The following GGCX variants were observed in gnomAD, a reference collection of about 807,000 sequenced individuals.
GGCX encodes the protein gamma-glutamyl carboxylase, also known as vitamin K-dependent gamma-carboxylase.
Under a neutral mutation model 88.5 loss-of-function variants are expected in GGCX, and 63 were observed. The observed-to-expected ratio is 0.71, with a 90% CI of 0.58 to 0.88. The LOEUF (loss-of-function observed/expected upper bound fraction) is 0.88, where lower values mean the gene tolerates loss of function less well. Ranked by LOEUF, GGCX falls within the 40% of genes least tolerant of loss-of-function variation. The pLI, the probability that GGCX is intolerant of heterozygous loss-of-function variation, is 0.00. For synonymous variants in GGCX, 368 were observed against 365.8 expected (o/e 1.01, Z -0.07); for missense variants, 805 against 932.9 (o/e 0.86, Z 1.79).
chr2:85,559,736 A>G (rs1692352528), intron 2 of GGCX, among the ~76,000 whole-genome samples: 1 of 150,138 alleles, frequency 6.7e-6, no homozygotes, highest in South Asian at 2.1e-4. Flanking sequence ...AGAAAGAAAG[A>G]AAGAAAGTGC....
At position 85,553,009 on chromosome 2, in the gene GGCX, C is replaced by G. The variant is rs139574592; in HGVS notation, c.1217G>C (p.Arg406Pro). ...GYSWDMMVHS[R>P]SHQHVKITYR... is the part of the protein sequence containing the mutation. ...GGTGATCTTCACGTGCTGGTGGGAGCGGGAGTGCACCATCATGTCCCAGGA... is the reference window on the plus strand; with the variant it reads ...GGTGATCTTCACGTGCTGGTGGGAGGGGGAGTGCACCATCATGTCCCAGGA... The change falls in exon 9 of 15, where the codon CGC (arginine) becomes CCC (proline). Residue 406 changes from arginine (R) to proline (P), a missense_variant. Arg to Pro is a moderately radical substitution (Grantham distance 103). Around this residue, in one of 3 missense-constraint regions of GGCX, gnomAD observed 680 missense variants for 763.7 expected, o/e 0.89. Transcript: ENST00000233838. 3 of 1,613,954 alleles carry G rather than the reference C, an allele frequency of 1.9e-6. No individual in the cohort carries two copies. In the African/African-American group the frequency reaches 4.0e-5, roughly 22 times the overall value.
chr2:85,552,584 T>C lies in GGCX; in HGVS notation c.1288-17A>G, dbSNP rs1692009737. On this transcript the variant is annotated splice_polypyrimidine_tract_variant and intron_variant, in intron 9 of 14. Transcript: ENST00000233838. Reference sequence around the variant, plus strand: ...TGTAAATACCTGCCCCAAACCCCCATATTAGTCCCACCTCATCATTATCAA... The same window carrying C: ...TGTAAATACCTGCCCCAAACCCCCACATTAGTCCCACCTCATCATTATCAA... 5.0e-6 allele frequency: 8 copies of C among 1,610,932 alleles called. No homozygotes were observed. The highest frequency in any genetic ancestry group is 1.3e-5 in the African/African-American group (1 of 74,780).
rs760028700 is a variant in GGCX at position 85,550,587 on chromosome 2, GA to G, written c.2051del (p.Phe684SerfsTer14). ...GAAAGACATAGAGCTTTCGCAACAA[GA>G]AGCGGAAGAATCGCTCATGGAAAGG... ...NTPFHERFFR[F>X]LLRKLYVFRR... On this transcript the variant is annotated frameshift_variant, in exon 14 of 15. Coordinates refer to ENST00000233838, the MANE Select transcript of GGCX (RefSeq NM_000821.7). LOFTEE classifies it high-confidence loss of function. 6 of 1,613,898 alleles carry G rather than the reference GA, an allele frequency of 3.7e-6. No homozygotes were observed. Among genetic ancestry groups the G allele is most frequent in the Non-Finnish European group, 5.1e-6 (6 of 1,179,854 alleles).
At chr2:85,554,826 A>T (rs1016016467) in intron 6 of GGCX, 3 of 195,188 alleles carry the variant, frequency 1.5e-5, no homozygotes, top group Admixed American at 1.1e-4. Context: ...CCTATGTAAT[A>T]AGCAAGGGCA....
Position 85,558,608 on chromosome 2 carries a change from G to C in GGCX, c.374-3C>G. The C allele has an allele frequency of 6.2e-7, 1 of 1,610,556 alleles. No homozygotes were observed. The highest frequency in any genetic ancestry group is 8.5e-7 in the Non-Finnish European group (1 of 1,176,768). ...GCCCAGCATCATGCCCAGTGCCCCT[G>C]GGATTTGTAGGGAGAGGATTAAGAG... On this transcript the variant is annotated splice_polypyrimidine_tract_variant and splice_region_variant and intron_variant, in intron 3 of 14. Coordinates refer to ENST00000233838, the MANE Select transcript of GGCX (RefSeq NM_000821.7).
At chr2:85,561,210 C>T (rs1212287492) in intron 1 of GGCX, among the ~76,000 whole-genome samples, 176 bp downstream of exon 1, 2 of 152,200 alleles carry the variant, frequency 1.3e-5, no homozygotes, top group Non-Finnish European at 2.9e-5. Flanking sequence ...GCAGTGTTCC[C>T]GAATGTCATC....
At position 85,549,907 on chromosome 2, in the gene GGCX, A is replaced by C; in HGVS notation, c.*27T>G. The C allele has an allele frequency of 6.7e-7, 1 of 1,489,372 alleles. No individual in the cohort carries two copies. Among genetic ancestry groups the C allele is most frequent in the African/African-American group, 1.4e-5 (1 of 71,948 alleles). The allele number at this position is 1,489,372 out of a possible 1,614,324, so 92.3% of individuals were successfully genotyped here. On this transcript the variant is annotated 3_prime_UTR_variant, in exon 15 of 15. Coordinates refer to ENST00000233838, the MANE Select transcript of GGCX (RefSeq NM_000821.7). ...AATGGGTCTGTGACTGGCTGCTTCT[A>C]CATCTGCACCCAACATCTGGCCCCC...
chr2:85,551,631 A>C, intron 11 of GGCX, 21 bp from the exon 12 acceptor site: 1 of 1,612,772 alleles, frequency 6.2e-7, no homozygotes, highest in Middle Eastern at 1.7e-4. Context: ...AACAGAGTTC[A>C]TCATCCCACC....
In GGCX at chr2:85,561,344, C is replaced by G. The variant is rs1040294436; in HGVS notation, c.43+42G>C. 7.9e-6 allele frequency: 11 copies of G among 1,400,704 alleles called. No individual in the cohort carries two copies. In the Admixed American group the frequency reaches 1.4e-4, roughly 18 times the overall value. 86.8% of individuals were successfully genotyped at this position (1,400,704 alleles called of 1,614,324 possible). A position where few individuals can be genotyped will look rare whatever the true frequency, so the allele number is the denominator to read the frequency against. ...CGCCCCCGCCCCTCTGAGACCAGCGCTCCTAGGAACTCTCCGCCGGAGGGC... is the reference window on the plus strand; with the variant it reads ...CGCCCCCGCCCCTCTGAGACCAGCGGTCCTAGGAACTCTCCGCCGGAGGGC... On this transcript the variant is annotated intron_variant, in intron 1 of 14. Coordinates refer to ENST00000233838, the MANE Select transcript of GGCX (RefSeq NM_000821.7).
Position 85,549,721 on chromosome 2 carries a change from TC to T in GGCX, c.*212del, listed in dbSNP as rs1299120775. 4 of 566,966 alleles carry T rather than the reference TC, an allele frequency of 7.1e-6. No homozygotes were observed. The highest frequency in any genetic ancestry group is 3.0e-5 in the Admixed American group (1 of 33,210). The allele number at this position is 566,966 out of a possible 1,614,324, so 35.1% of individuals were successfully genotyped here. On this transcript the variant is annotated 3_prime_UTR_variant, in exon 15 of 15. Coordinates refer to ENST00000233838, the MANE Select transcript of GGCX (RefSeq NM_000821.7). ...CAGTTTCACATTGCGTCTAACCTCT[TC>T]CTGGCCTCTTAATCTTGGGTTGTTA...
chr2:85,557,005 C>A (rs1373606464), intron 4 of GGCX, among the ~76,000 whole-genome samples: 3 of 152,140 alleles, frequency 2.0e-5, no homozygotes, highest in Non-Finnish European at 2.9e-5. Flanking sequence ...GTAGTTCATA[C>A]CTATAATACC....
rs553383801 is a variant in GGCX, at chr2:85,549,471, C to T, written c.*463G>A. The T allele has an allele frequency of 1.2e-3, 203 of 174,152 alleles. No homozygotes were observed. The highest frequency in any genetic ancestry group is 4.6e-3 in the African/African-American group (191 of 41,708). 10.8% of individuals were successfully genotyped at this position (174,152 alleles called of 1,614,324 possible). A position where few individuals can be genotyped will look rare whatever the true frequency, so the allele number is the denominator to read the frequency against. On this transcript the variant is annotated 3_prime_UTR_variant, in exon 15 of 15. Transcript: ENST00000233838. ...CCACCTCCTGGGCCCAAGCGATTCT[C>T]ATGCCTCAGCCTCCTGGGTAGTTGG...
In GGCX at chr2:85,551,530, G is replaced by A. The variant is rs1239286735; in HGVS notation, c.1690C>T (p.Leu564Phe). The change falls in exon 12 of 15, where the codon CTT (leucine) becomes TTT (phenylalanine). Residue 564 changes from leucine to phenylalanine, a missense_variant. Leu to Phe is a conservative substitution (Grantham distance 22). This residue lies in a region of GGCX where 680 missense variants were observed against 763.7 expected (regional missense o/e 0.89). Transcript: ENST00000233838. ...QLLQGEVTVE[L>F]VAEQKNQTLR... ...GTCTGGTTCTTCTGTTCTGCCACAAGCTCCACAGTCACTTCCCCCTGCAGC... is the reference window on the plus strand; with the variant it reads ...GTCTGGTTCTTCTGTTCTGCCACAAACTCCACAGTCACTTCCCCCTGCAGC... The A allele has an allele frequency of 1.2e-6, 2 of 1,613,878 alleles. No individual in the cohort carries two copies. Among genetic ancestry groups the A allele is most frequent in the East Asian group, 4.5e-5 (2 of 44,888 alleles).
intron 9 of GGCX, 66 bp downstream of exon 9, chr2:85,552,873 A>C (rs1031548349): frequency 1.9e-6 from 3 of 1,577,526 alleles, no homozygotes; most frequent in Non-Finnish European, 2.6e-6. Flanking sequence ...TGTGTAAGAC[A>C]AAACCAGACC....
intron 7 of GGCX, chr2:85,553,929 T>A (rs1027417644): frequency 1.7e-6 from 1 of 599,434 alleles, no homozygotes; most frequent in Non-Finnish European, 3.0e-6. Context: ...GTAAGATATT[T>A]GTTCTTCCTG....
In GGCX at chr2:85,548,823, T is replaced by A. The variant is rs1325747964; in HGVS notation, c.*1111A>T. 6.6e-6 allele frequency: 1 copy of A among 152,222 alleles called. No homozygotes were observed. Among genetic ancestry groups the A allele is most frequent in the Non-Finnish European group, 1.5e-5 (1 of 68,042 alleles). The allele number at this position is 152,222 out of a possible 1,614,324, so 9.4% of individuals were successfully genotyped here. The stretch of plus-strand genomic sequence containing the variant: ...GTCTAAGCATTCCCTAATCCCTTAC[T>A]AAATTTAGTTAATTCTTACTTTACC... On this transcript the variant is annotated 3_prime_UTR_variant, in exon 15 of 15. Coordinates refer to ENST00000233838, the MANE Select transcript of GGCX (RefSeq NM_000821.7).
At chr2:85,559,242 A>C (rs981180413) in intron 2 of GGCX, among the ~76,000 whole-genome samples, 167 bp from the exon 3 acceptor site, 5 of 152,210 alleles carry the variant, frequency 3.3e-5, no homozygotes, top group Admixed American at 2.6e-4. Context: ...GCACAGTACT[A>C]CATCTGTTGT....
In GGCX at chr2:85,550,755, C is replaced by G; in HGVS notation, c.1889-5G>C. 1.2e-6 allele frequency: 2 copies of G among 1,613,290 alleles called. No individual in the cohort carries two copies. Among genetic ancestry groups the G allele is most frequent in the African/African-American group, 1.3e-5 (1 of 74,768 alleles). On this transcript the variant is annotated splice_region_variant and splice_polypyrimidine_tract_variant and intron_variant, in intron 13 of 14. Transcript: ENST00000233838. ...CTGGGGGTAGAGGCCCTGTTTCTGCCCGGAAGACAGAAAAAAGAGGAATCA... is the reference window on the plus strand; with the variant it reads ...CTGGGGGTAGAGGCCCTGTTTCTGCGCGGAAGACAGAAAAAAGAGGAATCA...
At position 85,552,959 on chromosome 2, in the gene GGCX, G is replaced by C; in HGVS notation, c.1267C>G (p.Leu423Val). The change falls in exon 9 of 15, where the codon CTG becomes GTG. Residue 423 changes from leucine to valine, a missense_variant. Physicochemically the swap from Leu to Val is conservative, Grantham distance 32. Around this residue, in one of 3 missense-constraint regions of GGCX, gnomAD observed 680 missense variants for 763.7 expected, o/e 0.89. Transcript: ENST00000233838. ...CTCACCCCAGGGTTAAGGTAGCCCA[G>C]TTCGCCAGTGCGGCCATCACGGTAG... Reference protein sequence around the residue: ...ITYRDGRTGELGYLNPGVFTQ... With the variant: ...ITYRDGRTGEVGYLNPGVFTQ... 1 of 1,614,200 alleles carries C rather than the reference G, an allele frequency of 6.2e-7. No individual in the cohort carries two copies. Among genetic ancestry groups the C allele is most frequent in the Non-Finnish European group, 8.5e-7 (1 of 1,179,994 alleles).
Sources: gnomAD v4.1 joint callset for allele counts (sites outside exome capture counted in the v4.1 genomes callset) on GRCh38, gnomAD v4.1.1 for gene constraint, gnomAD v4.1.1 regional missense constraint, MANE v1.5 for transcripts, NCBI Gene and HGNC (gene_info 2026-07-23, HGNC 2026-07-21) for gene names.